The following KIAA1958 variants were observed in gnomAD, a reference collection of about 807,000 sequenced individuals.
The protein encoded by KIAA1958 is KIAA1958.
In KIAA1958, 14 loss-of-function variants were observed where a neutral mutation model predicts 47.2. The ratio of observed to expected loss-of-function variants is 0.30; its 90% CI spans 0.20 to 0.46. The LOEUF (loss-of-function observed/expected upper bound fraction) is 0.46, where lower values mean the gene tolerates loss of function less well. KIAA1958 is among the 20% of genes least tolerant of loss of function. The pLI is 1.00. For synonymous variants in KIAA1958, 354 were observed against 353.3 expected, an observed-to-expected ratio of 1.00 and a Z score of -0.02; for missense variants, 803 against 909.2, an observed-to-expected ratio of 0.88 and a Z score of 1.50.
chr9:112,487,599 C>T (rs1325700468), intron 1 of KIAA1958, among the ~76,000 whole-genome samples: 1 of 152,302 alleles, frequency 6.6e-6, no homozygotes, highest in South Asian at 2.1e-4. Context: ...CACTAGTTTT[C>T]CTCCTCGGGT....
intron 1 of KIAA1958, among the ~76,000 whole-genome samples, chr9:112,518,661 A>G (rs1034452700): frequency 1.3e-5 from 2 of 152,178 alleles, no homozygotes; most frequent in East Asian, 1.9e-4. Context: ...TGATGGTTTC[A>G]TGGCTATTTA....
At chr9:112,629,978 C>T (rs757914878) in intron 2 of KIAA1958, among the ~76,000 whole-genome samples, 2 of 152,204 alleles carry the variant, frequency 1.3e-5, no homozygotes, top group Non-Finnish European at 2.9e-5. Context: ...AGTTAAACCA[C>T]GTTTTGAAAA....
chr9:112,600,085 TTGTG>T (rs1836103313), intron 2 of KIAA1958, among the ~76,000 whole-genome samples: 1 of 152,236 alleles, frequency 6.6e-6, no homozygotes, highest in South Asian at 2.1e-4. Context: ...GTGCTTCTTA[TTGTG>T]ATTAATATAG....
chr9:112,512,577 A>G (rs1401983681), intron 1 of KIAA1958, among the ~76,000 whole-genome samples: 1 of 152,212 alleles, frequency 6.6e-6, no homozygotes, highest in Admixed American at 6.5e-5. Context: ...AATGCTCTCA[A>G]TTCAGATGAC....
rs760276121 is a variant in KIAA1958, at chr9:112,574,858, A to G, written c.778A>G (p.Ile260Val). The G allele has an allele frequency of 2.0e-5, 33 of 1,613,992 alleles. No homozygotes were observed. The highest frequency in any genetic ancestry group is 2.4e-5 in the Non-Finnish European group (28 of 1,180,014). Residue 260 changes from isoleucine to valine, a missense_variant, in exon 2 of 4, where the codon ATC becomes GTC. Around this residue, in one of 2 missense-constraint regions of KIAA1958, gnomAD observed 761 missense variants for 829.3 expected, o/e 0.92. Coordinates refer to ENST00000337530, the MANE Select transcript of KIAA1958 (RefSeq NM_133465.4). ...ACTGATTCCCCATGTCACATCTGCC[A>G]TCAGCACGGAGCTAGACCCACACGG... is the stretch of plus-strand genomic sequence containing the variant. The part of the protein sequence containing the change: ...AKLIPHVTSA[I>V]STELDPHGMS...
chr9:112,583,730 C>T (rs940069366), intron 2 of KIAA1958, among the ~76,000 whole-genome samples: 7 of 152,104 alleles, frequency 4.6e-5, no homozygotes, highest in Admixed American at 4.6e-4. Flanking sequence ...GTTTAAAGCA[C>T]ATGAACATTA....
At chr9:112,576,462 A>G (rs1244044929) in intron 2 of KIAA1958, among the ~76,000 whole-genome samples, 3 of 152,086 alleles carry the variant, frequency 2.0e-5, no homozygotes, top group Non-Finnish European at 2.9e-5. Flanking sequence ...TAATTTCAGA[A>G]TATTTTCATC....
chr9:112,590,251 T>C (rs973618257), intron 2 of KIAA1958, among the ~76,000 whole-genome samples: 8 of 152,194 alleles, frequency 5.3e-5, no homozygotes, highest in Admixed American at 4.6e-4. Flanking sequence ...TTCATTGCTG[T>C]GTCTTAATTT....
At chr9:112,516,822 G>T (rs1302008624) in intron 1 of KIAA1958, among the ~76,000 whole-genome samples, 2 of 152,220 alleles carry the variant, frequency 1.3e-5, no homozygotes, top group Non-Finnish European at 2.9e-5. Flanking sequence ...TACCAATTGG[G>T]CAGTACCTCT....
At chr9:112,608,787 C>G (rs1410340244) in intron 2 of KIAA1958, among the ~76,000 whole-genome samples, 1 of 152,040 alleles carries the variant, frequency 6.6e-6, no homozygotes, top group East Asian at 1.9e-4. Context: ...ACCTGTAGTC[C>G]CACCTGCTCA....
rs1329287803 is a variant in KIAA1958, at chr9:112,618,690, T to C, written c.1172-26960T>C. On this transcript the variant is annotated intron_variant, in intron 2 of 3. Transcript: ENST00000337530. This position sits in a 1 kb window ranked among gnomAD's most constrained non-coding sequence, Gnocchi z 7.1. The stretch of plus-strand genomic sequence containing the variant: ...TGCCAGGCCCTTGGCAAGAACAAGC[T>C]GGCCAAGATGGTGAAGACCATGTGT... The C allele has an allele frequency of 6.4e-7, 1 of 1,550,570 alleles. No homozygotes were observed. The highest frequency in any genetic ancestry group is 1.4e-5 in the African/African-American group (1 of 73,058).
intron 2 of KIAA1958, among the ~76,000 whole-genome samples, chr9:112,584,968 A>G (rs1396995594): frequency 6.6e-6 from 1 of 152,232 alleles, no homozygotes; most frequent in Non-Finnish European, 1.5e-5. Context: ...CATCATGCCC[A>G]TCACTTATCC....
intron 1 of KIAA1958, among the ~76,000 whole-genome samples, chr9:112,524,078 C>T (rs1208755722): frequency 6.6e-6 from 1 of 152,188 alleles, no homozygotes; most frequent in Non-Finnish European, 1.5e-5. Context: ...CCATCTATAT[C>T]TCCACATACC....
rs188786390 is a variant in KIAA1958 at position 112,574,705 on chromosome 9, G to A, written c.625G>A (p.Glu209Lys). 15 of 1,614,086 alleles carry A rather than the reference G, an allele frequency of 9.3e-6. No homozygotes were observed. Among genetic ancestry groups the A allele is most frequent in the Non-Finnish European group, 1.3e-5 (15 of 1,180,024 alleles). Residue 209 changes from glutamate to lysine, a missense_variant, in exon 2 of 4, where the codon GAA becomes AAA. By Grantham distance (56) the Glu-to-Lys change is moderately conservative. This residue lies in a region of KIAA1958 where 761 missense variants were observed against 829.3 expected (regional missense o/e 0.92). Transcript: ENST00000337530. ...IIKKIKQEIP[E>K]DYYIVANAEL... ...CAAGAAAATCAAACAAGAAATCCCC[G>A]AAGATTATTACATTGTGGCAAATGC...
chr9:112,530,019 T>A (rs1479197577), intron 1 of KIAA1958, among the ~76,000 whole-genome samples: 1 of 151,992 alleles, frequency 6.6e-6, no homozygotes, highest in East Asian at 1.9e-4. Flanking sequence ...AATTTTTTGT[T>A]TTTTTAGTGG....
chr9:112,546,029 G>A (rs988161096), intron 1 of KIAA1958, among the ~76,000 whole-genome samples: 2 of 151,784 alleles, frequency 1.3e-5, no homozygotes, highest in South Asian at 4.2e-4. Context: ...CTTATTTTGA[G>A]GCTGGCAAAT....
intron 3 of KIAA1958, among the ~76,000 whole-genome samples, chr9:112,658,357 A>G (rs967874500): frequency 2.0e-5 from 3 of 152,250 alleles, no homozygotes; most frequent in Non-Finnish European, 4.4e-5. Context: ...AAGGAAATCA[A>G]TGATGAAGTT....
At chr9:112,566,212 ATTC>A (rs1835425751) in intron 1 of KIAA1958, among the ~76,000 whole-genome samples, 1 of 152,122 alleles carries the variant, frequency 6.6e-6, no homozygotes, top group Admixed American at 6.5e-5. Flanking sequence ...CTATCTTTTG[ATTC>A]TAAAGATTAG....
At chr9:112,550,251 A>C (rs781438819) in intron 1 of KIAA1958, among the ~76,000 whole-genome samples, 1 of 150,882 alleles carries the variant, frequency 6.6e-6, no homozygotes, top group Non-Finnish European at 1.5e-5. Context: ...TGCAGACACT[A>C]ATGGTAAAGC....
Sources: allele counts gnomAD v4.1 joint callset (sites outside exome capture counted in the v4.1 genomes callset), GRCh38; gene constraint gnomAD v4.1.1; regional missense constraint gnomAD v4.1.1; non-coding constraint Gnocchi (gnomAD v3.1); transcripts MANE v1.5; gene names NCBI Gene and HGNC (gene_info 2026-07-23, HGNC 2026-07-21).